LHFPL2: variants seen among roughly 807,000 people sequenced by gnomAD.
LHFPL2 encodes LHFPL tetraspan subfamily member 2 protein.
Under a neutral mutation model 17.5 loss-of-function variants are expected in LHFPL2, and 7 were observed. That is an observed-to-expected ratio of 0.40 (90% confidence interval 0.23 to 0.75). The LOEUF is 0.75. Among genes scored for constraint, LHFPL2 ranks in the 30% least tolerant of loss-of-function variants. The probability of loss-of-function intolerance (pLI) is 0.37; values close to 1 mark genes in which losing one functional copy is unlikely to be tolerated. For synonymous variants in LHFPL2, 134 were observed against 116.2 expected, an observed-to-expected ratio of 1.15 and a Z score of -0.99; for missense variants, 241 against 294.8, an observed-to-expected ratio of 0.82 and a Z score of 1.34.
intron 2 of LHFPL2, among the ~76,000 whole-genome samples, chr5:78,605,623 T>A (rs1349209765): frequency 1.3e-5 from 2 of 152,208 alleles, no homozygotes; most frequent in Non-Finnish European, 2.9e-5. Flanking sequence ...GATAAGGCAG[T>A]ACCTTTACAC....
At chr5:78,555,706 G>T (rs1207964685) in intron 3 of LHFPL2, among the ~76,000 whole-genome samples, 1 of 152,242 alleles carries the variant, frequency 6.6e-6, no homozygotes, top group Non-Finnish European at 1.5e-5. Context: ...GGCTGGATGG[G>T]TCTGCACCTG....
At chr5:78,556,767 T>C (rs1756581644) in intron 3 of LHFPL2, among the ~76,000 whole-genome samples, 1 of 152,156 alleles carries the variant, frequency 6.6e-6, no homozygotes, top group Non-Finnish European at 1.5e-5. Flanking sequence ...TAAAGTTATA[T>C]ACAGAGTAAG....
At chr5:78,538,923 G>A (rs1366726814) in intron 3 of LHFPL2, among the ~76,000 whole-genome samples, 2 of 152,164 alleles carry the variant, frequency 1.3e-5, no homozygotes, top group African/African-American at 2.4e-5. Flanking sequence ...TTAAGAGCAT[G>A]AGCCATAGTC....
At chr5:78,598,124 A>G (rs1397978471) in intron 2 of LHFPL2, among the ~76,000 whole-genome samples, 1 of 152,240 alleles carries the variant, frequency 6.6e-6, no homozygotes, top group Non-Finnish European at 1.5e-5. Context: ...GATGATCTGG[A>G]GAGCCACAGC....
chr5:78,623,199 T>C (rs1049547994), intron 2 of LHFPL2, among the ~76,000 whole-genome samples: 3 of 152,242 alleles, frequency 2.0e-5, no homozygotes, highest in African/African-American at 7.2e-5. Context: ...AACAAATGCA[T>C]GTATACTATT....
At chr5:78,576,610 G>A (rs564813702) in intron 2 of LHFPL2, among the ~76,000 whole-genome samples, 46 of 152,192 alleles carry the variant, frequency 3.0e-4, no homozygotes, top group Admixed American at 8.5e-4. Flanking sequence ...AAGGCCCCAG[G>A]GACACTGGAA....
intron 3 of LHFPL2, among the ~76,000 whole-genome samples, chr5:78,529,073 C>T (rs1015824829): frequency 5.3e-5 from 8 of 151,172 alleles, no homozygotes; most frequent in African/African-American, 1.9e-4. Context: ...TGAGGCCAGG[C>T]GTTCAACAGC....
chr5:78,492,693 A>G (rs1388878253), intron 4 of LHFPL2, among the ~76,000 whole-genome samples: 2 of 152,212 alleles, frequency 1.3e-5, no homozygotes, highest in Non-Finnish European at 2.9e-5. Flanking sequence ...GCTGTTGTTT[A>G]AGTCACATAA....
intron 2 of LHFPL2, among the ~76,000 whole-genome samples, chr5:78,613,428 A>G (rs964225126): frequency 6.6e-6 from 1 of 152,210 alleles, no homozygotes; most frequent in African/African-American, 2.4e-5. Flanking sequence ...ACCGACTAGT[A>G]GAGTGCATTA....
At chr5:78,585,497 G>A (rs1161295682) in intron 2 of LHFPL2, among the ~76,000 whole-genome samples, 1 of 151,862 alleles carries the variant, frequency 6.6e-6, no homozygotes, top group African/African-American at 2.4e-5. Flanking sequence ...ACTGACCTGC[G>A]CCCACTGTCT....
chr5:78,506,839 T>G (rs1754945489), intron 4 of LHFPL2, among the ~76,000 whole-genome samples: 1 of 152,194 alleles, frequency 6.6e-6, no homozygotes, highest in Admixed American at 6.5e-5. Flanking sequence ...TATGCAGGAA[T>G]CTCTGCCTTG....
At chr5:78,644,389 C>T in intron 1 of LHFPL2, 4 of 879,036 alleles carry the variant, frequency 4.6e-6, no homozygotes, top group Non-Finnish European at 7.2e-6. Context: ...ATATCCTTTT[C>T]ATATTTTTCC....
intron 3 of LHFPL2, among the ~76,000 whole-genome samples, chr5:78,561,897 G>A (rs1283523001): frequency 1.3e-5 from 2 of 152,082 alleles, no homozygotes; most frequent in Non-Finnish European, 2.9e-5. Context: ...CCTAGTAGAG[G>A]CCCCTTATGC....
intron 2 of LHFPL2, among the ~76,000 whole-genome samples, chr5:78,585,277 G>A (rs564413208): frequency 1.1e-5 from 1 of 95,212 alleles, no homozygotes; most frequent in East Asian, 2.7e-4. Context: ...AAAGTGCTGG[G>A]ATTACAGGCG....
rs188760415 is a variant in LHFPL2, at chr5:78,609,683, C to G, written c.-245+22581G>C. ...ATGATGATCATCAAAATATGGGCAACAACAATTTCTAGAAAATGGGTATTT... is the reference window on the plus strand; with the variant it reads ...ATGATGATCATCAAAATATGGGCAAGAACAATTTCTAGAAAATGGGTATTT... On this transcript the variant is annotated intron_variant, in intron 2 of 4. Transcript: ENST00000380345. 2.2e-4 allele frequency among the ~76,000 whole-genome samples: 34 copies of G among 152,112 alleles called. No homozygotes were observed. The East Asian group carries it at 4.6e-3, about 21-fold the overall frequency.
At chr5:78,514,289 T>C (rs553701150) in intron 3 of LHFPL2, among the ~76,000 whole-genome samples, 3 of 151,688 alleles carry the variant, frequency 2.0e-5, no homozygotes, top group African/African-American at 7.3e-5. Context: ...GTGGATCATC[T>C]AGACAGCCCT....
chr5:78,544,696 T>C (rs1431821069), intron 3 of LHFPL2, among the ~76,000 whole-genome samples: 1 of 151,636 alleles, frequency 6.6e-6, no homozygotes, highest in Non-Finnish European at 1.5e-5. Flanking sequence ...GCCACCTTGG[T>C]GGGAAACTGG....
intron 2 of LHFPL2, among the ~76,000 whole-genome samples, chr5:78,569,090 T>A (rs1756931929): frequency 6.6e-6 from 1 of 152,130 alleles, no homozygotes; most frequent in African/African-American, 2.4e-5. Context: ...CCTGCAACCA[T>A]CATTCTTATT....
intron 3 of LHFPL2, among the ~76,000 whole-genome samples, chr5:78,539,795 A>C (rs1756053267): frequency 6.8e-6 from 1 of 148,144 alleles, no homozygotes; most frequent in Admixed American, 6.7e-5. Context: ...CAACTTCTAC[A>C]TGAACCAGGC....
Sources: allele counts gnomAD v4.1 joint callset (sites outside exome capture counted in the v4.1 genomes callset), GRCh38; gene constraint gnomAD v4.1.1; transcripts MANE v1.5; gene names NCBI Gene and HGNC (gene_info 2026-07-23, HGNC 2026-07-21).